The following NBEA variants were observed in gnomAD, a reference collection of about 807,000 sequenced individuals.
NBEA encodes neurobeachin.
Under a neutral mutation model 343.4 loss-of-function variants are expected in NBEA, and 44 were observed. The observed-to-expected ratio is 0.13, with a 90% CI of 0.10 to 0.16. The LOEUF (loss-of-function observed/expected upper bound fraction) is 0.16. NBEA is among the 10% of genes least tolerant of loss of function. The pLI is 1.00. For synonymous variants in NBEA, 1,175 were observed against 1,238.7 expected, an observed-to-expected ratio of 0.95 and a Z score of 1.08; for missense variants, 2,555 against 3,631.3, an observed-to-expected ratio of 0.70 and a Z score of 7.62.
intron 1 of NBEA, among the ~76,000 whole-genome samples, chr13:35,006,838 C>T (rs1593440255): frequency 6.6e-6 from 1 of 152,142 alleles, no homozygotes; most frequent in Non-Finnish European, 1.5e-5. Context: ...CTGCAACCTC[C>T]ACCTCCTGGA....
intron 31 of NBEA, among the ~76,000 whole-genome samples, chr13:35,196,732 T>C (rs925940371): frequency 6.6e-6 from 1 of 152,114 alleles, no homozygotes; most frequent in African/African-American, 2.4e-5. Context: ...TATGACATGC[T>C]TTAAGTGATA....
At chr13:35,309,733 A>G in intron 36 of NBEA, 141 bp downstream of exon 36, 1 of 562,900 alleles carries the variant, frequency 1.8e-6, no homozygotes. Flanking sequence ...TACTTAATTA[A>G]TCTTTAACAA....
At chr13:35,144,334 A>G (rs556621484) in intron 18 of NBEA, among the ~76,000 whole-genome samples, 2 of 152,198 alleles carry the variant, frequency 1.3e-5, no homozygotes, top group Admixed American at 6.5e-5. Flanking sequence ...ATCTAGTTTT[A>G]CTCCAAATAT....
rs1241823605 is a variant in NBEA, at chr13:35,118,299, TG to T, written c.2145+10del. 6.4e-7 allele frequency: 1 copy of T among 1,565,136 alleles called. No individual in the cohort carries two copies. The highest frequency in any genetic ancestry group is 8.7e-7 in the Non-Finnish European group (1 of 1,152,960). On this transcript the variant is annotated intron_variant, in intron 15 of 58. Coordinates refer to ENST00000379939, the MANE Select transcript of NBEA (RefSeq NM_001385012.1). ...TACTTACGATGCATGAGGTAGGACA[TG>T]TTATGGGCCTTTTATTTTAATTATT... is the stretch of plus-strand genomic sequence containing the variant.
At chr13:35,183,735 T>A (rs961546973) in intron 29 of NBEA, among the ~76,000 whole-genome samples, 27 of 152,120 alleles carry the variant, frequency 1.8e-4, no homozygotes, top group African/African-American at 6.0e-4. Flanking sequence ...ATAGTGAACC[T>A]TCTAGTTCTG....
Position 35,651,823 on chromosome 13 carries a change from G to A in NBEA, c.7982G>A (p.Gly2661Glu). Residue 2661 changes from glycine (G) to glutamate (E), a missense_variant, in exon 53 of 59, where the codon GGA (glycine) becomes GAA (glutamate). Gly to Glu is a moderately conservative substitution (Grantham distance 98). Around this residue, in one of 21 missense-constraint regions of NBEA, gnomAD observed 61 missense variants for 132.1 expected, o/e 0.46. Coordinates refer to ENST00000379939, the MANE Select transcript of NBEA (RefSeq NM_001385012.1). ...TCTTTAGGCCTCAGAGGAGCTCCAG[G>A]ATACTCCTTGGATCAAGCCCACCAT... ...HNTVGLRGAP[G>E]YSLDQAHHLP... The A allele has an allele frequency of 6.5e-7, 1 of 1,543,640 alleles. No homozygotes were observed. Among genetic ancestry groups the A allele is most frequent in the Non-Finnish European group, 8.8e-7 (1 of 1,139,936 alleles).
chr13:35,039,415 G>A (rs751818544), intron 1 of NBEA, among the ~76,000 whole-genome samples: 12 of 152,200 alleles, frequency 7.9e-5, no homozygotes, highest in Non-Finnish European at 1.2e-4. Flanking sequence ...TTAGAGGGAC[G>A]ATCTGTGGAG....
chr13:35,475,259 A>T (rs199816120), intron 41 of NBEA: 1 of 1,613,352 alleles, frequency 6.2e-7, no homozygotes, highest in East Asian at 2.2e-5. Context: ...CCCAGGCAAG[A>T]CTCGTCCCAG....
intron 37 of NBEA, among the ~76,000 whole-genome samples, chr13:35,350,125 T>G (rs2152863834): frequency 6.6e-6 from 1 of 152,262 alleles, no homozygotes; most frequent in Admixed American, 6.5e-5. Flanking sequence ...CTCAACTGAA[T>G]TCCCTGCAGG....
chr13:35,115,715 A>G lies in NBEA; in HGVS notation c.2003-1699A>G, dbSNP rs941343769. 5.9e-5 allele frequency among the ~76,000 whole-genome samples: 9 copies of G among 152,310 alleles called. No homozygotes were observed. In the East Asian group the frequency reaches 1.4e-3, roughly 23 times the overall value. On this transcript the variant is annotated intron_variant, in intron 13 of 58. Transcript: ENST00000379939. ...ACAAATATGTATATATTTCTTTGCA[A>G]CATGCTGTTTATATTATGCAGTATA...
chr13:35,175,531 A>G (rs2070829481), intron 27 of NBEA, among the ~76,000 whole-genome samples: 2 of 152,224 alleles, frequency 1.3e-5, no homozygotes. Context: ...TTTTATAACT[A>G]GTATTTCACT....
intron 34 of NBEA, among the ~76,000 whole-genome samples, chr13:35,261,640 G>A (rs941128252): frequency 5.9e-5 from 9 of 152,064 alleles, no homozygotes; most frequent in Non-Finnish European, 8.8e-5. Flanking sequence ...GACTTGAGCC[G>A]AATATTTTAT....
chr13:35,468,792 C>T (rs2075512667), intron 40 of NBEA, among the ~76,000 whole-genome samples: 2 of 151,996 alleles, frequency 1.3e-5, no homozygotes, highest in Admixed American at 6.5e-5. Flanking sequence ...ACTATTAGTT[C>T]TGTAAAAATA....
At position 35,362,240 on chromosome 13, in the gene NBEA, A is replaced by T. The variant is rs551450635; in HGVS notation, c.6179+9917A>T. Among the ~76,000 whole-genome samples the T allele has an allele frequency of 2.4e-3, 366 of 152,010 alleles. 1 individual carries two copies. The highest frequency in any genetic ancestry group is 2.2e-3 in the Non-Finnish European group (148 of 67,874). On this transcript the variant is annotated intron_variant, in intron 38 of 58. Transcript: ENST00000379939. The stretch of plus-strand genomic sequence containing the variant: ...CAGATTATCTGTTATTTCTGTGCAA[A>T]CACTATTATGTTGGTCATAGAGTCT...
intron 1 of NBEA, among the ~76,000 whole-genome samples, chr13:34,986,364 C>T (rs2060546587): frequency 6.6e-6 from 1 of 150,762 alleles, no homozygotes; most frequent in South Asian, 2.1e-4. Context: ...TTTCTTAATC[C>T]TGAGTTCTAG....
At position 35,386,911 on chromosome 13, in the gene NBEA, TAGAC is replaced by T. The variant is rs567602043; in HGVS notation, c.6179+34591_6179+34594del. On this transcript the variant is annotated intron_variant, in intron 38 of 58. Transcript: ENST00000379939. ...ACGAGAGGTTTTGTAACAGCTTTCT[TAGAC>T]AGGCTGCTCCCCAGTAATGGCAACC... Among the ~76,000 whole-genome samples the T allele has an allele frequency of 1.1e-3, 168 of 152,280 alleles. 1 individual carries two copies. Among genetic ancestry groups the T allele is most frequent in the Non-Finnish European group, 1.1e-3 (75 of 67,990 alleles).
At chr13:35,330,253 G>T (rs551022989) in intron 36 of NBEA, among the ~76,000 whole-genome samples, 44 of 152,088 alleles carry the variant, frequency 2.9e-4, no homozygotes, top group African/African-American at 1.0e-3. Flanking sequence ...TAACTGTAAA[G>T]CACTTAGCCT....
chr13:35,610,258 G>C (rs954627416), intron 48 of NBEA, among the ~76,000 whole-genome samples: 1 of 152,068 alleles, frequency 6.6e-6, no homozygotes, highest in African/African-American at 2.4e-5. Context: ...CAGGTGTGGT[G>C]ACACAGTGTC....
At chr13:35,620,524 G>A (rs1439200183) in intron 48 of NBEA, among the ~76,000 whole-genome samples, 3 of 152,134 alleles carry the variant, frequency 2.0e-5, no homozygotes, top group Non-Finnish European at 4.4e-5. Context: ...GTAGTAGTGG[G>A]GGAGCATCAC....
Sources: gnomAD v4.1 joint callset for allele counts (sites outside exome capture counted in the v4.1 genomes callset) on GRCh38, gnomAD v4.1.1 for gene constraint, gnomAD v4.1.1 regional missense constraint, MANE v1.5 for transcripts, NCBI Gene and HGNC (gene_info 2026-07-23, HGNC 2026-07-21) for gene names.